Variants in CPEB3 observed in about 807,000 individuals in gnomAD.
CPEB3 encodes cytoplasmic polyadenylation element binding protein 3.
In CPEB3, 20 loss-of-function variants were observed where a neutral mutation model predicts 67.2. The observed-to-expected ratio is 0.30, with a 90% CI of 0.21 to 0.43. The LOEUF is 0.43. Among genes scored for constraint, CPEB3 ranks in the 20% least tolerant of loss-of-function variants. The probability of loss-of-function intolerance (pLI) is 1.00; values close to 1 mark genes in which losing one functional copy is unlikely to be tolerated. For synonymous variants in CPEB3, 376 were observed against 393.1 expected, an observed-to-expected ratio of 0.96 and a Z score of 0.51; for missense variants, 746 against 968.6, an observed-to-expected ratio of 0.77 and a Z score of 3.05.
At chr10:92,262,716 A>G (rs1445989480) in intron 1 of CPEB3, among the ~76,000 whole-genome samples, 1 of 151,690 alleles carries the variant, frequency 6.6e-6, no homozygotes, top group Non-Finnish European at 1.5e-5. Context: ...AAATAAATAA[A>G]CAACCCCATG....
At chr10:92,132,901 C>T (rs948589925) in intron 6 of CPEB3, among the ~76,000 whole-genome samples, 17 of 152,256 alleles carry the variant, frequency 1.1e-4, no homozygotes, top group African/African-American at 4.1e-4. Context: ...ACTGAACAAC[C>T]TGCTCCTGAA....
At chr10:92,083,115 T>C (rs1843224136) in intron 8 of CPEB3, among the ~76,000 whole-genome samples, 1 of 152,232 alleles carries the variant, frequency 6.6e-6, no homozygotes, top group Non-Finnish European at 1.5e-5. Flanking sequence ...ATGTTTACAC[T>C]TCTCCAAAAG....
At chr10:92,189,939 A>G (rs1275927427) in intron 3 of CPEB3, among the ~76,000 whole-genome samples, 1 of 151,608 alleles carries the variant, frequency 6.6e-6, no homozygotes, top group Non-Finnish European at 1.5e-5. Context: ...AAAGGAAATT[A>G]AGCTCTAGGA....
At chr10:92,277,178 C>T (rs937860920) in intron 1 of CPEB3, among the ~76,000 whole-genome samples, 3 of 152,216 alleles carry the variant, frequency 2.0e-5, no homozygotes, top group Admixed American at 6.5e-5. Context: ...TCTTTTGTTG[C>T]TTATGCTTTT....
intron 2 of CPEB3, among the ~76,000 whole-genome samples, chr10:92,236,307 C>G (rs1421735279): frequency 6.6e-6 from 1 of 152,182 alleles, no homozygotes; most frequent in East Asian, 1.9e-4. Flanking sequence ...CACTCTACCT[C>G]TCAGGATCTC....
chr10:92,192,456 G>A, intron 3 of CPEB3, 21 bp downstream of exon 3: 1 of 1,579,364 alleles, frequency 6.3e-7, no homozygotes, highest in Non-Finnish European at 8.6e-7. Context: ...AGCAAGAAAT[G>A]GACATATGAA....
chr10:92,122,167 G>A (rs1307235662), intron 6 of CPEB3, among the ~76,000 whole-genome samples: 1 of 152,274 alleles, frequency 6.6e-6, no homozygotes, highest in East Asian at 1.9e-4. Flanking sequence ...ATCTCCTACA[G>A]GACACTGGGG....
intron 1 of CPEB3, among the ~76,000 whole-genome samples, chr10:92,251,887 G>T (rs1217241692): frequency 6.6e-6 from 1 of 151,206 alleles, no homozygotes; most frequent in East Asian, 1.9e-4. Flanking sequence ...GTTGCAGTGA[G>T]CCGAGATCAC....
At chr10:92,274,459 G>T (rs1225991228) in intron 1 of CPEB3, among the ~76,000 whole-genome samples, 3 of 152,034 alleles carry the variant, frequency 2.0e-5, no homozygotes, top group African/African-American at 7.2e-5. Context: ...GCTCTACAAG[G>T]GTATTTTTGT....
chr10:92,261,507 G>C (rs765952546), intron 1 of CPEB3, among the ~76,000 whole-genome samples: 3 of 152,064 alleles, frequency 2.0e-5, no homozygotes, highest in Non-Finnish European at 4.4e-5. Context: ...GAGTGCAATG[G>C]CGTGATCTCA....
At chr10:92,283,519 C>T (rs764198670) in intron 1 of CPEB3, among the ~76,000 whole-genome samples, 14 of 152,006 alleles carry the variant, frequency 9.2e-5, no homozygotes, top group Non-Finnish European at 2.1e-4. Flanking sequence ...AAGACTCAAA[C>T]CTATGTTATC....
intron 6 of CPEB3, chr10:92,118,790 A>G: frequency 1.3e-6 from 1 of 756,478 alleles, no homozygotes; most frequent in South Asian, 1.4e-5. Flanking sequence ...GAATAAGAAC[A>G]CAGGTTTAAA....
At chr10:92,227,944 G>A (rs1851069166) in intron 2 of CPEB3, among the ~76,000 whole-genome samples, 1 of 151,758 alleles carries the variant, frequency 6.6e-6, no homozygotes, top group Non-Finnish European at 1.5e-5. Flanking sequence ...GCTGGATACA[G>A]TGGGGCAATC....
At chr10:92,183,369 C>G (rs1190284159) in intron 3 of CPEB3, among the ~76,000 whole-genome samples, 2 of 152,030 alleles carry the variant, frequency 1.3e-5, no homozygotes, top group African/African-American at 4.8e-5. Context: ...TAGTTGGCAA[C>G]AAGTGTTATC....
intron 4 of CPEB3, among the ~76,000 whole-genome samples, chr10:92,174,460 C>A (rs1400490836): frequency 8.5e-5 from 13 of 152,148 alleles, no homozygotes; most frequent in African/African-American, 2.9e-4. Context: ...TTCCAAGTTT[C>A]TTGGTGTATC....
chr10:92,155,585 T>C (rs1355949057), intron 4 of CPEB3, among the ~76,000 whole-genome samples: 2 of 152,222 alleles, frequency 1.3e-5, no homozygotes, highest in East Asian at 3.8e-4. Context: ...GAAAGACTTA[T>C]TGAAAGCATG....
intron 9 of CPEB3, among the ~76,000 whole-genome samples, chr10:92,078,463 G>A (rs1019759337): frequency 6.6e-6 from 1 of 152,136 alleles, no homozygotes; most frequent in African/African-American, 2.4e-5. Flanking sequence ...GAGGACCTGA[G>A]GCTTCTGGCC....
At chr10:92,084,585 T>TTTAC (rs1843295993) in intron 8 of CPEB3, among the ~76,000 whole-genome samples, 1 of 152,040 alleles carries the variant, frequency 6.6e-6, no homozygotes, top group Non-Finnish European at 1.5e-5. Context: ...TATTTATTTA[T>TTTAC]TTACTTATTT....
rs546674266 is a variant in CPEB3, at chr10:92,268,676, T to C, written c.-12+22250A>G. On this transcript the variant is annotated intron_variant, in intron 1 of 9. Transcript: ENST00000265997. The stretch of plus-strand genomic sequence containing the variant: ...CTTCTTCTGTTGATAAAAACACTAC[T>C]GAACATTTTTGAAATTTCATTGAGT... 1.3e-4 allele frequency among the ~76,000 whole-genome samples: 20 copies of C among 152,296 alleles called. No individual in the cohort carries two copies. In the East Asian group the frequency reaches 2.3e-3, roughly 18 times the overall value.
Sources: gnomAD v4.1 joint callset for allele counts (sites outside exome capture counted in the v4.1 genomes callset) on GRCh38, gnomAD v4.1.1 for gene constraint, MANE v1.5 for transcripts, NCBI Gene and HGNC (gene_info 2026-07-23, HGNC 2026-07-21) for gene names.